Variants in RPH3AL observed in about 807,000 individuals in gnomAD.
The protein encoded by RPH3AL is rabphilin 3A like (without C2 domains).
RPH3AL carries 38 observed loss-of-function variants against 43.1 expected under a neutral mutation model. The ratio of observed to expected loss-of-function variants is 0.88; its 90% CI spans 0.68 to 1.15. The LOEUF is 1.15. RPH3AL is among the 50% of genes most tolerant of loss of function. RPH3AL has a pLI of 0.00. For missense variants in RPH3AL, 462 were observed against 423.2 expected (o/e 1.09, Z -0.81); for synonymous variants, 189 against 176.3 (o/e 1.07, Z -0.57).
At chr17:305,109 A>AGGGGGACAGGGCGGGAG (rs145317291) in intron 5 of RPH3AL, among the ~76,000 whole-genome samples, 1 of 2,640 alleles carries the variant, frequency 3.8e-4, no homozygotes, top group Non-Finnish European at 1.1e-3. Context: ...ACAGGGCGAG[A>AGGGGGACAGGGCGGGAG]GGGGACAGGG....
At chr17:329,745 C>A (rs926376579) in intron 2 of RPH3AL, among the ~76,000 whole-genome samples, 1 of 152,192 alleles carries the variant, frequency 6.6e-6, no homozygotes, top group African/African-American at 2.4e-5. Context: ...ACCTTCATAT[C>A]TGATTTTTCA....
intron 6 of RPH3AL, among the ~76,000 whole-genome samples, chr17:261,124 A>C (rs572325441): frequency 7.9e-5 from 12 of 152,178 alleles, no homozygotes; most frequent in Non-Finnish European, 1.8e-4. Context: ...TCAGCTGAAC[A>C]CCCATCCAAA....
chr17:274,366 G>A lies in RPH3AL; in HGVS notation c.438+7402C>T, dbSNP rs1370272881. The stretch of plus-strand genomic sequence containing the variant: ...CCTCGCCTGCCTGGCTGGAGTAGGG[G>A]CAGCAGCTGAAGCCGCCTGGGCAGC... On this transcript the variant is annotated intron_variant, in intron 6 of 9. Coordinates refer to ENST00000331302, the MANE Select transcript of RPH3AL (RefSeq NM_006987.4). The surrounding 1 kb of genome is among the most constrained non-coding windows in gnomAD (Gnocchi z 4.7). 6.6e-6 allele frequency among the ~76,000 whole-genome samples: 1 copy of A among 152,230 alleles called. No homozygotes were observed. The highest frequency in any genetic ancestry group is 6.5e-5 in the Admixed American group (1 of 15,286).
chr17:313,912 A>C (rs1399792458), intron 5 of RPH3AL, among the ~76,000 whole-genome samples: 5 of 152,092 alleles, frequency 3.3e-5, no homozygotes, highest in Non-Finnish European at 7.4e-5. Context: ...ATCCTGGAAC[A>C]AGCCCCTCAG....
chr17:332,914 G>T (rs1360445812), intron 2 of RPH3AL: 5 of 878,632 alleles, frequency 5.7e-6, no homozygotes, highest in Non-Finnish European at 6.3e-6. Flanking sequence ...CCGCAGTACA[G>T]GGACTAGGAG....
intron 5 of RPH3AL, among the ~76,000 whole-genome samples, chr17:302,934 C>T (rs147114969): frequency 1.3e-4 from 20 of 152,290 alleles, no homozygotes; most frequent in East Asian, 3.9e-4. Context: ...AGGTCAGGGG[C>T]GGGAGCTTCG....
At chr17:313,294 A>G (rs1250886808) in intron 5 of RPH3AL, among the ~76,000 whole-genome samples, 3 of 152,072 alleles carry the variant, frequency 2.0e-5, no homozygotes, top group African/African-American at 7.2e-5. Flanking sequence ...CACAGATCAG[A>G]TCACACCCCT....
At chr17:273,014 A>ATGT in intron 6 of RPH3AL, among the ~76,000 whole-genome samples, 3 of 118,284 alleles carry the variant, frequency 2.5e-5, no homozygotes, top group Admixed American at 8.1e-5. Context: ...AGCGAGGGCG[A>ATGT]CATCAGGAAG....
At chr17:280,191 G>C (rs1184008013) in intron 6 of RPH3AL, among the ~76,000 whole-genome samples, 2 of 152,230 alleles carry the variant, frequency 1.3e-5, no homozygotes, top group Non-Finnish European at 2.9e-5. Context: ...CTCCGAAGCA[G>C]ACAGAGGCAG....
At chr17:267,813 G>T (rs1026641493) in intron 6 of RPH3AL, among the ~76,000 whole-genome samples, 30 of 145,218 alleles carry the variant, frequency 2.1e-4, no homozygotes, top group African/African-American at 7.1e-4. Context: ...CCAAATCACT[G>T]ATTCAAGCTT....
intron 6 of RPH3AL, among the ~76,000 whole-genome samples, chr17:271,844 G>A (rs1433510799): frequency 1.3e-5 from 2 of 152,144 alleles, no homozygotes; most frequent in Non-Finnish European, 2.9e-5. Flanking sequence ...CCTGTCTTGT[G>A]CCAGTTTTCA....
At chr17:349,791 T>C (rs1466828499) in intron 1 of RPH3AL, among the ~76,000 whole-genome samples, 3 of 152,230 alleles carry the variant, frequency 2.0e-5, no homozygotes, top group Non-Finnish European at 4.4e-5. Flanking sequence ...TCCAGGATTA[T>C]GCAACTCTAG....
At chr17:319,790 CT>C (rs527913010) in intron 4 of RPH3AL, among the ~76,000 whole-genome samples, 2,679 of 146,992 alleles carry the variant, frequency 0.018, 39 homozygotes, top group Non-Finnish European at 0.029. Context: ...GACATGGTCC[CT>C]GTTCTCATGG....
chr17:310,364 G>A (rs551139492), intron 5 of RPH3AL, among the ~76,000 whole-genome samples: 98 of 152,126 alleles, frequency 6.4e-4, no homozygotes, highest in Admixed American at 1.6e-3. Context: ...GCTGCTGAAC[G>A]CTGCCAGGGC....
At chr17:320,325 C>A (rs988090785) in intron 4 of RPH3AL, among the ~76,000 whole-genome samples, 1 of 152,028 alleles carries the variant, frequency 6.6e-6, no homozygotes, top group Non-Finnish European at 1.5e-5. Flanking sequence ...GCCATGCCAT[C>A]TGGCCTGTCT....
chr17:279,426 T>A (rs947431513), intron 6 of RPH3AL, among the ~76,000 whole-genome samples: 1 of 152,118 alleles, frequency 6.6e-6, no homozygotes, highest in Non-Finnish European at 1.5e-5. Context: ...GGCAAAGTAA[T>A]AGCGTAATGC....
intron 5 of RPH3AL, among the ~76,000 whole-genome samples, chr17:285,992 C>A (rs112973084): frequency 6.6e-6 from 1 of 152,180 alleles, no homozygotes; most frequent in African/African-American, 2.4e-5. Context: ...GGGGCCCAGG[C>A]CCCACTGTGC....
chr17:314,444 C>G (rs1046441333), intron 5 of RPH3AL, among the ~76,000 whole-genome samples: 5 of 123,518 alleles, frequency 4.0e-5, no homozygotes, highest in Non-Finnish European at 8.6e-5. Flanking sequence ...CTGCCCCCAC[C>G]TCCATTGACC....
chr17:244,868 CAT>C (rs1287487176), intron 7 of RPH3AL, among the ~76,000 whole-genome samples: 2 of 151,922 alleles, frequency 1.3e-5, no homozygotes, highest in African/African-American at 2.4e-5. Flanking sequence ...CGTGTGTGTG[CAT>C]ATGAGTGCGA....
Sources: gnomAD v4.1 joint callset for allele counts (sites outside exome capture counted in the v4.1 genomes callset) on GRCh38, gnomAD v4.1.1 for gene constraint, Gnocchi (gnomAD v3.1) non-coding constraint, MANE v1.5 for transcripts, NCBI Gene and HGNC (gene_info 2026-07-23, HGNC 2026-07-21) for gene names.